The following GTPBP10 variants were observed in gnomAD, a reference collection of about 807,000 sequenced individuals.
GTPBP10 encodes GTP-binding protein 10.
In GTPBP10, 38 loss-of-function variants were observed where a neutral mutation model predicts 44.8. The ratio of observed to expected loss-of-function variants is 0.85; its 90% confidence interval spans 0.65 to 1.11. GTPBP10 has a LOEUF of 1.11. Among genes scored for constraint, GTPBP10 ranks in the 50% most tolerant of loss-of-function variants. The probability of loss-of-function intolerance (pLI) is 0.00; values close to 1 mark genes in which losing one functional copy is unlikely to be tolerated. For missense variants in GTPBP10, 462 were observed against 453.7 expected (o/e 1.02, Z -0.17); for synonymous variants, 152 against 150.6 (o/e 1.01, Z -0.07).
chr7:90,346,769 A>G lies in GTPBP10; in HGVS notation c.28A>G (p.Arg10Gly). The G allele has an allele frequency of 1.2e-6, 2 of 1,614,204 alleles. No individual in the cohort carries two copies. Among genetic ancestry groups the G allele is most frequent in the Non-Finnish European group, 1.7e-6 (2 of 1,180,038 alleles). The change falls in exon 1 of 10, where the codon AGA (arginine) becomes GGA (glycine). Residue 10 changes from arginine (R) to glycine (G), a missense_variant. Physicochemically the swap from Arg to Gly is moderately radical, Grantham distance 125. Coordinates refer to ENST00000222511, the MANE Select transcript of GTPBP10 (RefSeq NM_033107.4). MVHCSCVLF[R>G]KYGNFIDKLR... is the part of the protein sequence containing the mutation. ...GGTGCATTGCAGTTGCGTGTTGTTC[A>G]GAAAGGTCCGTGCGGGTCCCCTCAG... is the stretch of plus-strand genomic sequence containing the variant.
intron 8 of GTPBP10, 117 bp downstream of exon 8, chr7:90,378,328 T>G: frequency 7.9e-7 from 1 of 1,261,410 alleles, no homozygotes; most frequent in Non-Finnish European, 1.0e-6. Flanking sequence ...TTGATGTCAG[T>G]TAAAGAATTA....
At chr7:90,375,635 T>C (rs1230628595) in intron 6 of GTPBP10, among the ~76,000 whole-genome samples, 1 of 152,210 alleles carries the variant, frequency 6.6e-6, no homozygotes, top group Non-Finnish European at 1.5e-5. Context: ...ACATCATTTA[T>C]ACCGAATTTT....
rs1319203718 is a variant in GTPBP10, at chr7:90,372,211, C to T, written c.521C>T (p.Ala174Val). The change falls in exon 5 of 10, where the codon GCA becomes GTA. Residue 174 changes from alanine to valine, a missense_variant. By Grantham distance (64) the Ala-to-Val change is moderately conservative. Transcript: ENST00000222511. Reference protein sequence around the residue: ...LLSCVSHAKPAIADYAFTTLK... With the variant: ...LLSCVSHAKPVIADYAFTTLK... ...AGTTGTGTTTCTCATGCAAAACCTGCAATTGCAGATTACGCATGTAAGTGT... is the reference window on the plus strand; with the variant it reads ...AGTTGTGTTTCTCATGCAAAACCTGTAATTGCAGATTACGCATGTAAGTGT... 3 of 1,602,090 alleles carry T rather than the reference C, an allele frequency of 1.9e-6. No individual in the cohort carries two copies. Among genetic ancestry groups the T allele is most frequent in the Non-Finnish European group, 2.6e-6 (3 of 1,172,482 alleles).
chr7:90,349,724 T>C (rs138536172), intron 1 of GTPBP10, among the ~76,000 whole-genome samples: 2 of 152,296 alleles, frequency 1.3e-5, no homozygotes, highest in African/African-American at 4.8e-5. Flanking sequence ...CTTCTCTTCC[T>C]TACTAATGTC....
intron 4 of GTPBP10, among the ~76,000 whole-genome samples, chr7:90,362,247 C>G (rs1198787738): frequency 6.6e-6 from 1 of 152,056 alleles, no homozygotes; most frequent in African/African-American, 2.4e-5. Flanking sequence ...TTAGATCTTT[C>G]CTGCTTTCTC....
rs1796377068 is a variant in GTPBP10 at position 90,378,180 on chromosome 7, C to G, written c.746C>G (p.Thr249Arg). ...FQLSSHTQYRTAFETIILLTK... is the reference protein window; with the variant it reads ...FQLSSHTQYRRAFETIILLTK... ...CTTTCTTCTCACACTCAATACAGGA[C>G]AGCTTTTGAAACCATAATACTGCTT... The change falls in exon 8 of 10, where the codon ACA becomes AGA. Residue 249 changes from threonine (T) to arginine (R), a missense_variant. Physicochemically the swap from Thr to Arg is moderately conservative, Grantham distance 71. Transcript: ENST00000222511. The G allele has an allele frequency of 6.2e-7, 1 of 1,612,970 alleles. No homozygotes were observed. Among genetic ancestry groups the G allele is most frequent in the Non-Finnish European group, 8.5e-7 (1 of 1,179,536 alleles).
intron 4 of GTPBP10, among the ~76,000 whole-genome samples, chr7:90,359,889 GTGA>G (rs1333755745): frequency 6.6e-6 from 1 of 152,214 alleles, no homozygotes; most frequent in Non-Finnish European, 1.5e-5. Flanking sequence ...TTGACGGCCA[GTGA>G]TGATGAGCAT....
chr7:90,348,538 G>T (rs1049139894), intron 1 of GTPBP10, among the ~76,000 whole-genome samples: 1 of 150,076 alleles, frequency 6.7e-6, no homozygotes, highest in East Asian at 2.0e-4. Flanking sequence ...GAAGTGAATT[G>T]TAAAGGTCTT....
chr7:90,385,543 A>G lies in GTPBP10; in HGVS notation c.*389A>G, dbSNP rs902996272. 6.4e-6 allele frequency: 1 copy of G among 156,444 alleles called. No individual in the cohort carries two copies. Among genetic ancestry groups the G allele is most frequent in the Non-Finnish European group, 1.4e-5 (1 of 70,950 alleles). 9.7% of individuals were successfully genotyped at this position (156,444 alleles called of 1,614,324 possible). A position where few individuals can be genotyped will look rare whatever the true frequency, so the allele number is the denominator to read the frequency against. ...AAGGTAATGCACGTTAATTAGCTAT[A>G]TTGAGCCATTCCACAATGTATAGAT... On this transcript the variant is annotated 3_prime_UTR_variant, in exon 10 of 10. Transcript: ENST00000222511.
rs973591167 is a variant in GTPBP10, at chr7:90,388,781, A to G, written c.*3627A>G. The G allele has an allele frequency of 2.0e-5, 3 of 152,210 alleles. No homozygotes were observed. The highest frequency in any genetic ancestry group is 7.2e-5 in the African/African-American group (3 of 41,466). 9.4% of individuals were successfully genotyped at this position (152,210 alleles called of 1,614,324 possible). A position where few individuals can be genotyped will look rare whatever the true frequency, so the allele number is the denominator to read the frequency against. ...GGTTAGAGATTCCTTTCAGTAGTTAATGAAAGCTACAGACTTGTCTTGCCG... is the reference window on the plus strand; with the variant it reads ...GGTTAGAGATTCCTTTCAGTAGTTAGTGAAAGCTACAGACTTGTCTTGCCG... On this transcript the variant is annotated 3_prime_UTR_variant, in exon 10 of 10. Coordinates refer to ENST00000222511, the MANE Select transcript of GTPBP10 (RefSeq NM_033107.4).
In GTPBP10 at chr7:90,372,198, C is replaced by T; in HGVS notation, c.508C>T (p.His170Tyr). 1 of 1,605,986 alleles carries T rather than the reference C, an allele frequency of 6.2e-7. No homozygotes were observed. The highest frequency in any genetic ancestry group is 1.1e-5 in the South Asian group (1 of 90,142). Residue 170 changes from histidine to tyrosine, a missense_variant, in exon 5 of 10, where the codon CAT becomes TAT. Coordinates refer to ENST00000222511, the MANE Select transcript of GTPBP10 (RefSeq NM_033107.4). ...ATCCTCTTTGCTAAGTTGTGTTTCT[C>T]ATGCAAAACCTGCAATTGCAGATTA... ...GKSSLLSCVS[H>Y]AKPAIADYAF...
chr7:90,364,829 G>T (rs547133347), intron 4 of GTPBP10, among the ~76,000 whole-genome samples: 1 of 152,154 alleles, frequency 6.6e-6, no homozygotes, highest in Non-Finnish European at 1.5e-5. Context: ...GCAATGGCGG[G>T]CACCCCTCCC....
intron 6 of GTPBP10, 144 bp downstream of exon 6, chr7:90,374,498 G>A: frequency 1.7e-6 from 1 of 589,726 alleles, no homozygotes; most frequent in Non-Finnish European, 3.0e-6. Flanking sequence ...AGTGAAACTG[G>A]TCAAATTAAT....
At chr7:90,350,453 TTC>T (rs1169518544) in intron 1 of GTPBP10, among the ~76,000 whole-genome samples, 2 of 79,340 alleles carry the variant, frequency 2.5e-5, no homozygotes, top group African/African-American at 1.1e-4. Context: ...GTATTTCTAG[TTC>T]TAGATTCTTG....
intron 4 of GTPBP10, among the ~76,000 whole-genome samples, chr7:90,369,240 C>T (rs1796202569): frequency 6.6e-6 from 1 of 152,194 alleles, no homozygotes; most frequent in Non-Finnish European, 1.5e-5. Context: ...CCCAGTTAGG[C>T]TACTCGGGGG....
At chr7:90,358,292 C>T in intron 4 of GTPBP10, among the ~76,000 whole-genome samples, 1 of 151,918 alleles carries the variant, frequency 6.6e-6, no homozygotes, top group East Asian at 1.9e-4. Flanking sequence ...ATGACACAAA[C>T]AAATGGAAAT....
At chr7:90,370,592 T>G (rs1286896869) in intron 4 of GTPBP10, among the ~76,000 whole-genome samples, 1 of 152,130 alleles carries the variant, frequency 6.6e-6, no homozygotes, top group Admixed American at 6.5e-5. Context: ...TTGGGTACAA[T>G]GTACACTACT....
chr7:90,348,774 T>A (rs1439869560), intron 1 of GTPBP10, among the ~76,000 whole-genome samples: 1 of 152,244 alleles, frequency 6.6e-6, no homozygotes, highest in East Asian at 1.9e-4. Flanking sequence ...CCAATACCTC[T>A]TCCACCATTT....
In GTPBP10 at chr7:90,389,867, G is replaced by A. The variant is rs912528750; in HGVS notation, c.*4713G>A. ...CAGTGGCATGATTATAGCCCTCTGC[G>A]GCCTCAATCTTCAGGGCTTAAGTTA... On this transcript the variant is annotated 3_prime_UTR_variant, in exon 10 of 10. Transcript: ENST00000222511. 2.6e-5 allele frequency: 4 copies of A among 151,532 alleles called. No individual in the cohort carries two copies. Among genetic ancestry groups the A allele is most frequent in the South Asian group, 2.1e-4 (1 of 4,772 alleles). The allele number at this position is 151,532 out of a possible 1,614,324, so 9.4% of individuals were successfully genotyped here.
Sources: gnomAD v4.1 joint callset for allele counts (sites outside exome capture counted in the v4.1 genomes callset) on GRCh38, gnomAD v4.1.1 for gene constraint, MANE v1.5 for transcripts, NCBI Gene and HGNC (gene_info 2026-07-23, HGNC 2026-07-21) for gene names.